The following MARVELD2 variants were observed in gnomAD, a reference collection of about 807,000 sequenced individuals.
MARVELD2 encodes the protein MARVEL domain-containing protein 2.
MARVELD2 carries 49 observed loss-of-function variants against 57.6 expected under a neutral mutation model. The ratio of observed to expected loss-of-function variants is 0.85; its 90% CI spans 0.68 to 1.08. The LOEUF (loss-of-function observed/expected upper bound fraction) is 1.08, where lower values mean the gene tolerates loss of function less well. Ranked by LOEUF, MARVELD2 falls within the 50% of genes least tolerant of loss-of-function variation. The pLI is 0.00. For missense variants in MARVELD2, 606 were observed against 701.1 expected (o/e 0.86, Z 1.53); for synonymous variants, 238 against 258.8 (o/e 0.92, Z 0.77).
Position 69,419,739 on chromosome 5 carries a change from A to C in MARVELD2, c.354A>C (p.Pro118=). ...YISDGVECSP[P]ASPARPNHRS... ...CCGATGGAGTGGAGTGTTCACCACC[A>C]GCCTCTCCAGCAAGACCAAACCACC... The change falls in exon 2 of 7, where the codon CCA becomes CCC. Residue 118 remains proline (P), a synonymous_variant. Coordinates refer to ENST00000325631, the MANE Select transcript of MARVELD2 (RefSeq NM_001038603.3). The C allele has an allele frequency of 6.2e-7, 1 of 1,614,124 alleles. No individual in the cohort carries two copies. The highest frequency in any genetic ancestry group is 1.1e-5 in the South Asian group (1 of 91,078).
In MARVELD2 at chr5:69,443,127, CTG is replaced by C. The variant is rs1163008058; in HGVS notation, c.*1474_*1475del. ...TACAGGCGTGAGTCACCGCGCCCAG[CTG>C]GTATTGCTTTTCTATTCCCTTTGGA... On this transcript the variant is annotated 3_prime_UTR_variant, in exon 7 of 7. Transcript: ENST00000325631. 1.3e-5 allele frequency: 2 copies of C among 152,038 alleles called. No homozygotes were observed. Among genetic ancestry groups the C allele is most frequent in the Non-Finnish European group, 2.9e-5 (2 of 68,150 alleles). 9.4% of individuals were successfully genotyped at this position (152,038 alleles called of 1,614,324 possible). A position where few individuals can be genotyped will look rare whatever the true frequency, so the allele number is the denominator to read the frequency against.
chr5:69,431,466 A>T (rs527298175), intron 3 of MARVELD2, among the ~76,000 whole-genome samples: 1 of 152,226 alleles, frequency 6.6e-6, no homozygotes, highest in East Asian at 1.9e-4. Flanking sequence ...AAATCATCCC[A>T]AATTGCCATT....
rs1308693143 is a variant in MARVELD2 at position 69,432,920 on chromosome 5, A to G, written c.1332-2A>G. On this transcript the variant is annotated splice_acceptor_variant, in intron 4 of 6. Coordinates refer to ENST00000325631, the MANE Select transcript of MARVELD2 (RefSeq NM_001038603.3). LOFTEE classifies it high-confidence loss of function. The stretch of plus-strand genomic sequence containing the variant: ...TATCTTTGGCTTATGTTTTTCCCCT[A>G]GAAAATACCCTGTGATTCAGACAGA... 4 of 1,614,234 alleles carry G rather than the reference A, an allele frequency of 2.5e-6. No individual in the cohort carries two copies. Among genetic ancestry groups the G allele is most frequent in the Non-Finnish European group, 3.4e-6 (4 of 1,180,046 alleles).
chr5:69,420,049 T>G lies in MARVELD2; in HGVS notation c.664T>G (p.Tyr222Asp). 2 of 1,614,158 alleles carry G rather than the reference T, an allele frequency of 1.2e-6. No individual in the cohort carries two copies. The highest frequency in any genetic ancestry group is 1.7e-6 in the Non-Finnish European group (2 of 1,180,042). The change falls in exon 2 of 7, where the codon TAC (tyrosine) becomes GAC (aspartate). Residue 222 changes from tyrosine (Y) to aspartate (D), a missense_variant. Physicochemically the swap from Tyr to Asp is radical, Grantham distance 160. Transcript: ENST00000325631. ...TTACATTCACAAGGACAGTGAGTGGTACAACTTGTTTGGATATTCACAACC... is the reference window on the plus strand; with the variant it reads ...TTACATTCACAAGGACAGTGAGTGGGACAACTTGTTTGGATATTCACAACC... ...TAYIHKDSEW[Y>D]NLFGYSQPYG...
intron 5 of MARVELD2, among the ~76,000 whole-genome samples, chr5:69,435,259 C>G (rs1217580528): frequency 1.3e-5 from 2 of 151,734 alleles, no homozygotes; most frequent in Non-Finnish European, 2.9e-5. Context: ...GGTGATCCAC[C>G]TACCTCAGCC....
intron 1 of MARVELD2, chr5:69,419,071 G>T (rs111879609): frequency 4.7e-6 from 2 of 428,280 alleles, no homozygotes; most frequent in South Asian, 2.4e-5. Flanking sequence ...GATCACAGGC[G>T]CATGCCACAA....
intron 5 of MARVELD2, chr5:69,433,674 T>C: frequency 6.5e-6 from 1 of 153,868 alleles, no homozygotes; most frequent in South Asian, 2.0e-4. Context: ...TTAGCCAGGA[T>C]GATCTTGATC....
intron 5 of MARVELD2, among the ~76,000 whole-genome samples, chr5:69,437,390 A>C (rs1214374229): frequency 1.3e-5 from 2 of 148,844 alleles, no homozygotes; most frequent in Non-Finnish European, 3.0e-5. Flanking sequence ...TTAAAAAAAA[A>C]AAAAAAAAAA....
At chr5:69,422,409 G>A (rs1025994595) in intron 2 of MARVELD2, among the ~76,000 whole-genome samples, 4 of 151,232 alleles carry the variant, frequency 2.6e-5, no homozygotes, top group Non-Finnish European at 4.4e-5. Flanking sequence ...TGAAATGGCC[G>A]CTTTGGGGAT....
At chr5:69,418,229 G>A (rs1057215554) in intron 1 of MARVELD2, among the ~76,000 whole-genome samples, 4 of 152,128 alleles carry the variant, frequency 2.6e-5, no homozygotes, top group South Asian at 2.1e-4. Context: ...AATGAGTCTT[G>A]GCAGGGTGTG....
chr5:69,440,541 G>A (rs2150934535), intron 6 of MARVELD2, 41 bp downstream of exon 6: 1 of 1,106,162 alleles, frequency 9.0e-7, no homozygotes, highest in East Asian at 2.4e-5. Flanking sequence ...TCTTATCCAA[G>A]TACATATGTG....
chr5:69,441,634 G>C lies in MARVELD2; in HGVS notation c.1657G>C (p.Asp553His). The C allele has an allele frequency of 6.3e-7, 1 of 1,580,588 alleles. No individual in the cohort carries two copies. The highest frequency in any genetic ancestry group is 8.7e-7 in the Non-Finnish European group (1 of 1,151,184). ...IQEYDKVMNW[D>H]VQGYS The stretch of plus-strand genomic sequence containing the variant: ...AGAATATGATAAAGTAATGAATTGG[G>C]ATGTACAAGGTTATTCTTAACGCTT... The change falls in exon 7 of 7, where the codon GAT becomes CAT. Residue 553 changes from aspartate to histidine, a missense_variant. Physicochemically the swap from Asp to His is moderately conservative, Grantham distance 81 (BLOSUM62 -1). Coordinates refer to ENST00000325631, the MANE Select transcript of MARVELD2 (RefSeq NM_001038603.3).
At position 69,419,661 on chromosome 5, in the gene MARVELD2, G is replaced by T; in HGVS notation, c.276G>T (p.Gly92=). 2 of 1,614,132 alleles carry T rather than the reference G, an allele frequency of 1.2e-6. No homozygotes were observed. Among genetic ancestry groups the T allele is most frequent in the Non-Finnish European group, 1.7e-6 (2 of 1,180,024 alleles). ...ACTCCTGGAAGAACTTTTTCAGAGG[G>T]AAGAAAAAGGACCCCGAATGGGATA... ...VPDSWKNFFR[G]KKKDPEWDKP... is the part of the protein sequence containing the mutation. The change falls in exon 2 of 7, where the codon GGG becomes GGT. Residue 92 remains glycine, a synonymous_variant. Coordinates refer to ENST00000325631, the MANE Select transcript of MARVELD2 (RefSeq NM_001038603.3).
intron 6 of MARVELD2, 44 bp downstream of exon 6, chr5:69,440,544 C>T (rs1009166688): frequency 2.7e-6 from 3 of 1,092,842 alleles, no homozygotes; most frequent in Admixed American, 1.8e-5. Flanking sequence ...TATCCAAGTA[C>T]ATATGTGATA....
intron 5 of MARVELD2, among the ~76,000 whole-genome samples, chr5:69,435,231 C>G (rs1767095923): frequency 6.6e-6 from 1 of 150,484 alleles, no homozygotes; most frequent in African/African-American, 2.4e-5. Flanking sequence ...CCAGGCTGGT[C>G]TCGAACTCCT....
rs533786475 is a variant in MARVELD2, at chr5:69,422,378, G to A, written c.1146+1847G>A. Among the ~76,000 whole-genome samples, 5 of 152,282 alleles carry A rather than the reference G, an allele frequency of 3.3e-5. No individual in the cohort carries two copies. The East Asian group carries it at 9.6e-4, about 29-fold the overall frequency. On this transcript the variant is annotated intron_variant, in intron 2 of 6. Transcript: ENST00000325631. ...AAGGAGCATCCCTGAGAAAGAGAAT[G>A]CATCCCTGAGGGTAGGCCTCTGAAA... is the stretch of plus-strand genomic sequence containing the variant.
At chr5:69,419,026 C>T (rs1474922432) in intron 1 of MARVELD2, 11 of 260,730 alleles carry the variant, frequency 4.2e-5, no homozygotes, top group African/African-American at 1.8e-4. Flanking sequence ...CTCCCGGGTT[C>T]AAGCGGTCTA....
chr5:69,439,062 C>CAAAAAA (rs11315832), intron 5 of MARVELD2, among the ~76,000 whole-genome samples: 3 of 89,262 alleles, frequency 3.4e-5, no homozygotes, highest in Non-Finnish European at 6.7e-5. Context: ...GACCCTGTCT[C>CAAAAAA]AAAAAAAAAA....
rs76628277 is a variant in MARVELD2, at chr5:69,419,315, C to T, written c.-15-56C>T. The T allele has an allele frequency of 1.9e-3, 2,987 of 1,545,480 alleles. 7 individuals carry two copies. The highest frequency in any genetic ancestry group is 2.3e-3 in the Non-Finnish European group (2,614 of 1,123,092). On this transcript the variant is annotated intron_variant, in intron 1 of 6. Coordinates refer to ENST00000325631, the MANE Select transcript of MARVELD2 (RefSeq NM_001038603.3). ...TTTGCTACTACATGAATAAAATCAG[C>T]ATCATTGAGAGGATAAGTAACTAAT...
Sources: gnomAD v4.1 joint callset for allele counts (sites outside exome capture counted in the v4.1 genomes callset) on GRCh38, gnomAD v4.1.1 for gene constraint, MANE v1.5 for transcripts, NCBI Gene and HGNC (gene_info 2026-07-23, HGNC 2026-07-21) for gene names.